The following IQCB1 variants were observed in gnomAD, a reference collection of about 807,000 sequenced individuals.
IQCB1 encodes IQ motif containing B1, also known as IQ calmodulin-binding motif-containing protein 1.
In IQCB1, 56 loss-of-function variants were observed where a neutral mutation model predicts 84.4. That is an observed-to-expected ratio of 0.66 (90% CI 0.54 to 0.83). IQCB1 has a LOEUF of 0.83. IQCB1 is among the 40% of genes least tolerant of loss of function. IQCB1 has a pLI of 0.00. For missense variants in IQCB1, 629 were observed against 682.1 expected (o/e 0.92, Z 0.87); for synonymous variants, 210 against 234.8 (o/e 0.89, Z 0.96).
At chr3:121,771,868 T>C (rs886600252) in intron 14 of IQCB1, among the ~76,000 whole-genome samples, 3 of 152,180 alleles carry the variant, frequency 2.0e-5, no homozygotes, top group Admixed American at 6.5e-5. Flanking sequence ...AATTCATTTT[T>C]GTAAAGTGCT....
chr3:121,777,030 TC>T (rs1948258716), intron 13 of IQCB1, among the ~76,000 whole-genome samples: 1 of 152,236 alleles, frequency 6.6e-6, no homozygotes, highest in African/African-American at 2.4e-5. Flanking sequence ...CCTTTTTGAA[TC>T]ATGCTTCTGG....
intron 13 of IQCB1, among the ~76,000 whole-genome samples, chr3:121,775,943 T>C (rs1183358128): frequency 6.6e-6 from 1 of 152,222 alleles, no homozygotes; most frequent in Admixed American, 6.5e-5. Flanking sequence ...TACTATAGAT[T>C]GGTTTATATT....
intron 13 of IQCB1, among the ~76,000 whole-genome samples, chr3:121,773,463 G>A (rs996389328): frequency 2.0e-5 from 3 of 152,120 alleles, no homozygotes; most frequent in Non-Finnish European, 4.4e-5. Flanking sequence ...CACAGAACAA[G>A]GGACAAAATC....
At position 121,788,236 on chromosome 3, in the gene IQCB1, A is replaced by G. The variant is rs992378499; in HGVS notation, c.1278+48T>C. 1.9e-6 allele frequency: 3 copies of G among 1,584,084 alleles called. No homozygotes were observed. The Admixed American group carries it at 5.0e-5, about 26-fold the overall frequency. On this transcript the variant is annotated intron_variant, in intron 12 of 14. Transcript: ENST00000310864. ...AATTAGCAAAGTCAGTTTTGAACTC[A>G]TGTTTTTGCCTCTTGATTCAGAGCT...
intron 8 of IQCB1, among the ~76,000 whole-genome samples, chr3:121,798,812 C>T (rs1456144130): frequency 1.3e-5 from 2 of 151,724 alleles, no homozygotes; most frequent in African/African-American, 2.4e-5. Context: ...ATTGATAGTT[C>T]AAAATACCAT....
At chr3:121,781,613 C>G (rs562096227) in intron 13 of IQCB1, 130 bp downstream of exon 13, 35 of 929,414 alleles carry the variant, frequency 3.8e-5, no homozygotes, top group East Asian at 1.8e-4. Flanking sequence ...AATGCATTAC[C>G]TTATACCAGC....
At chr3:121,811,206 C>T (rs1949815600) in intron 5 of IQCB1, among the ~76,000 whole-genome samples, 1 of 152,064 alleles carries the variant, frequency 6.6e-6, no homozygotes, top group African/African-American at 2.4e-5. Flanking sequence ...CTCCCCTAGC[C>T]AAGGGAAGGG....
chr3:121,826,007 A>C lies in IQCB1; in HGVS notation c.393+44T>G, dbSNP rs777630345. On this transcript the variant is annotated intron_variant, in intron 5 of 14. Transcript: ENST00000310864. ...TAAAAAATAACAGAACAGCTTCTTA[A>C]GAATTAAACTGATTTAGCTACAAAA... 2.6e-6 allele frequency: 4 copies of C among 1,537,588 alleles called. No homozygotes were observed. In the Admixed American group the frequency reaches 6.7e-5, roughly 26 times the overall value.
rs147097545 is a variant in IQCB1 at position 121,828,797 on chromosome 3, T to C, written c.100+64A>G. ...AACAAATTTAAAAGAAATGTTAAAA[T>C]TGTACCAACGATGGAACCATTTTTC... is the stretch of plus-strand genomic sequence containing the variant. On this transcript the variant is annotated intron_variant, in intron 3 of 14. Coordinates refer to ENST00000310864, the MANE Select transcript of IQCB1 (RefSeq NM_001023570.4). The C allele has an allele frequency of 3.0e-3, 3,377 of 1,130,536 alleles. 77 individuals are homozygous for C. In the African/African-American group the frequency reaches 0.043, roughly 15 times the overall value. 70.0% of individuals were successfully genotyped at this position (1,130,536 alleles called of 1,614,324 possible).
intron 13 of IQCB1, 76 bp downstream of exon 13, chr3:121,781,667 T>C (rs1256123052): frequency 2.5e-6 from 3 of 1,189,230 alleles, no homozygotes; most frequent in African/African-American, 3.1e-5. Flanking sequence ...ACACACAATA[T>C]ATGTGTGTGT....
chr3:121,790,658 CAT>C (rs1378537197), intron 10 of IQCB1, among the ~76,000 whole-genome samples: 1 of 151,948 alleles, frequency 6.6e-6, no homozygotes, highest in African/African-American at 2.4e-5. Context: ...ACTATGAAAA[CAT>C]AAAATGTTCG....
intron 2 of IQCB1, among the ~76,000 whole-genome samples, chr3:121,830,062 G>T (rs1950582440): frequency 1.3e-5 from 2 of 152,008 alleles, no homozygotes; most frequent in South Asian, 4.2e-4. Flanking sequence ...CAAAAAATCA[G>T]CTGGGCATGG....
chr3:121,781,663 A>ACAAT (rs1553709034), intron 13 of IQCB1, 80 bp downstream of exon 13: 446 of 1,046,230 alleles, frequency 4.3e-4, no homozygotes, highest in African/African-American at 1.1e-3. Context: ...ACACACACAC[A>ACAAT]ATATATGTGT....
At chr3:121,791,457 G>T (rs544965844) in intron 10 of IQCB1, among the ~76,000 whole-genome samples, 35 of 152,286 alleles carry the variant, frequency 2.3e-4, no homozygotes, top group African/African-American at 8.4e-4. Context: ...GCAGAGTAGA[G>T]AATTTATTTG....
At chr3:121,815,712 A>G (rs1334770983) in intron 5 of IQCB1, among the ~76,000 whole-genome samples, 1 of 152,110 alleles carries the variant, frequency 6.6e-6, no homozygotes, top group East Asian at 1.9e-4. Flanking sequence ...GACATGAAGG[A>G]CCTCTTCAAG....
intron 14 of IQCB1, among the ~76,000 whole-genome samples, chr3:121,770,799 C>G (rs1947947312): frequency 1.3e-5 from 2 of 152,166 alleles, no homozygotes; most frequent in South Asian, 4.1e-4. Context: ...TCTCCCACCT[C>G]AGCTTCCTAA....
intron 4 of IQCB1, 143 bp from the exon 5 acceptor site, chr3:121,826,323 T>A (rs1950466016): frequency 1.2e-6 from 1 of 814,918 alleles, no homozygotes; most frequent in Non-Finnish European, 2.0e-6. Flanking sequence ...AAAATTAGTC[T>A]AACAACTTTC....
At chr3:121,811,385 C>T (rs145871362) in intron 5 of IQCB1, among the ~76,000 whole-genome samples, 4 of 152,246 alleles carry the variant, frequency 2.6e-5, no homozygotes, top group African/African-American at 9.6e-5. Flanking sequence ...TCTTTTTGTA[C>T]CTCAGTGGTG....
chr3:121,789,943 T>C (rs1461384131), intron 11 of IQCB1, 130 bp downstream of exon 11: 2 of 780,184 alleles, frequency 2.6e-6, no homozygotes, highest in Non-Finnish European at 4.4e-6. Context: ...CTAATAAAGT[T>C]TATCTGAAAA....
Sources: gnomAD v4.1 joint callset for allele counts (sites outside exome capture counted in the v4.1 genomes callset) on GRCh38, gnomAD v4.1.1 for gene constraint, MANE v1.5 for transcripts, NCBI Gene and HGNC (gene_info 2026-07-23, HGNC 2026-07-21) for gene names.